Variants in TSPAN32 observed in about 807,000 individuals in gnomAD.
TSPAN32 encodes tetraspanin 32.
Under a neutral mutation model 42.7 loss-of-function variants are expected in TSPAN32, and 47 were observed. The ratio of observed to expected loss-of-function variants is 1.10; its 90% confidence interval spans 0.87 to 1.40. The LOEUF is 1.40. Ranked by LOEUF, TSPAN32 falls within the 40% of genes most tolerant of loss-of-function variation. The probability of loss-of-function intolerance (pLI) is 0.00; values close to 1 mark genes in which losing one functional copy is unlikely to be tolerated. For synonymous variants in TSPAN32, 175 were observed against 175.9 expected, an observed-to-expected ratio of 0.99 and a Z score of 0.04; for missense variants, 469 against 424.1, an observed-to-expected ratio of 1.11 and a Z score of -0.93.
At position 2,317,277 on chromosome 11, in the gene TSPAN32, C is replaced by G. The variant is rs972835797; in HGVS notation, c.720-67C>G. 39 of 1,319,206 alleles carry G rather than the reference C, an allele frequency of 3.0e-5. No homozygotes were observed. The highest frequency in any genetic ancestry group is 1.0e-4 in the South Asian group (8 of 76,638). 81.7% of individuals were successfully genotyped at this position (1,319,206 alleles called of 1,614,324 possible). On this transcript the variant is annotated intron_variant, in intron 8 of 9. Transcript: ENST00000182290. This position sits in a 1 kb window ranked among gnomAD's most constrained non-coding sequence, Gnocchi z 6.2. Reference sequence around the variant, plus strand: ...GCCCCATGATCCCCTCTAGAACATTCCACAATAGCCTCACAGGTCCCCTGT... The same window carrying G: ...GCCCCATGATCCCCTCTAGAACATTGCACAATAGCCTCACAGGTCCCCTGT...
At position 2,317,514 on chromosome 11, in the gene TSPAN32, C is replaced by A; in HGVS notation, c.890C>A (p.Ala297Asp). ...AAPLPLSCHL[A>D]AHRALQGRSR... is the part of the protein sequence containing the mutation. Reference sequence around the variant, plus strand: ...CCTCTGCCCCTCTCCTGCCACCTGGCTGCCCACAGAGGTGAAGACGCCCCT... The same window carrying A: ...CCTCTGCCCCTCTCCTGCCACCTGGATGCCCACAGAGGTGAAGACGCCCCT... Residue 297 changes from alanine to aspartate, a missense_variant, in exon 9 of 10, where the codon GCT becomes GAT. By Grantham distance (126) the Ala-to-Asp change is moderately radical. Coordinates refer to ENST00000182290, the MANE Select transcript of TSPAN32 (RefSeq NM_139022.3). This position sits in a 1 kb window ranked among gnomAD's most constrained non-coding sequence, Gnocchi z 6.2. The A allele has an allele frequency of 6.3e-7, 1 of 1,582,742 alleles. No homozygotes were observed. The highest frequency in any genetic ancestry group is 1.8e-5 in the Admixed American group (1 of 56,220).
chr11:2,302,768 C>A, intron 1 of TSPAN32, 76 bp from the exon 2 acceptor site: 1 of 1,260,598 alleles, frequency 7.9e-7, no homozygotes, highest in South Asian at 1.3e-5. Flanking sequence ...AGAGCCCCAA[C>A]CCTGCCCGCT....
chr11:2,303,969 GGA>G, intron 2 of TSPAN32, 136 bp from the exon 3 acceptor site: 1 of 631,936 alleles, frequency 1.6e-6, no homozygotes, highest in South Asian at 1.9e-5. Context: ...GCCGTCTGAT[GGA>G]GAGACAGGCC....
chr11:2,313,164 G>C lies in TSPAN32; in HGVS notation c.355-490G>C, dbSNP rs1848565236. Among the ~76,000 whole-genome samples the C allele has an allele frequency of 1.3e-5, 2 of 152,104 alleles. No homozygotes were observed. The highest frequency in any genetic ancestry group is 1.3e-4 in the Admixed American group (2 of 15,268). On this transcript the variant is annotated intron_variant, in intron 4 of 9. Coordinates refer to ENST00000182290, the MANE Select transcript of TSPAN32 (RefSeq NM_139022.3). The surrounding 1 kb of genome is among the most constrained non-coding windows in gnomAD (Gnocchi z 9.1). ...CTTCTCTGGTCAAAAGCCTTACCCG[G>C]AGCCCAGCTGCCCGGGCTTCCAGAA...
In TSPAN32 at chr11:2,313,530, G is replaced by A; in HGVS notation, c.355-124G>A. On this transcript the variant is annotated intron_variant, in intron 4 of 9. Coordinates refer to ENST00000182290, the MANE Select transcript of TSPAN32 (RefSeq NM_139022.3). The surrounding 1 kb of genome is among the most constrained non-coding windows in gnomAD (Gnocchi z 9.1). Reference sequence around the variant, plus strand: ...TTTGGGGAGATCCACCTGCTACAAGGAGGGCAGTGCTGGGACGTCACTCAG... The same window carrying A: ...TTTGGGGAGATCCACCTGCTACAAGAAGGGCAGTGCTGGGACGTCACTCAG... 2 of 698,566 alleles carry A rather than the reference G, an allele frequency of 2.9e-6. No individual in the cohort carries two copies. The highest frequency in any genetic ancestry group is 4.8e-6 in the Non-Finnish European group (2 of 420,166). 43.3% of individuals were successfully genotyped at this position (698,566 alleles called of 1,614,324 possible).
chr11:2,304,026 G>A lies in TSPAN32; in HGVS notation c.182-81G>A. ...GTCCCTCACGGCCCCTGACTCCCAA[G>A]TTAGATTTCACACCCAGGCTGTGTG... On this transcript the variant is annotated intron_variant, in intron 2 of 9. Coordinates refer to ENST00000182290, the MANE Select transcript of TSPAN32 (RefSeq NM_139022.3). The surrounding 1 kb of genome is among the most constrained non-coding windows in gnomAD (Gnocchi z 4.8). 9.7e-6 allele frequency: 11 copies of A among 1,134,710 alleles called. No individual in the cohort carries two copies. The highest frequency in any genetic ancestry group is 1.4e-5 in the Non-Finnish European group (11 of 772,552). The allele number at this position is 1,134,710 out of a possible 1,614,324, so 70.3% of individuals were successfully genotyped here.
At chr11:2,316,555 C>T (rs762734179) in intron 7 of TSPAN32, 21 bp from the exon 8 acceptor site, 2 of 1,601,136 alleles carry the variant, frequency 1.2e-6, no homozygotes, top group Non-Finnish European at 1.7e-6. Flanking sequence ...AGTGGGGCAG[C>T]CGCGGGTGTC....
At chr11:2,303,011 G>A in intron 2 of TSPAN32, 53 bp downstream of exon 2, 1 of 1,517,202 alleles carries the variant, frequency 6.6e-7, no homozygotes, top group South Asian at 1.2e-5. Context: ...GTGCAAGGGT[G>A]GCTGGCACGA....
chr11:2,317,872 G>T lies in TSPAN32; in HGVS notation c.911G>T (p.Gly304Val), dbSNP rs1034351419. Residue 304 changes from glycine (G) to valine (V), a missense_variant, in exon 10 of 10, where the codon GGC becomes GTC. Coordinates refer to ENST00000182290, the MANE Select transcript of TSPAN32 (RefSeq NM_139022.3). This position sits in a 1 kb window ranked among gnomAD's most constrained non-coding sequence, Gnocchi z 6.2. The stretch of plus-strand genomic sequence containing the variant: ...ATTTATGATCTCGCAGCTCTCCAGG[G>T]CAGAAGTCGCGGTGGGCTCAGTGGG... The part of the protein sequence containing the change: ...CHLAAHRALQ[G>V]RSRGGLSGCP... 2 of 1,545,406 alleles carry T rather than the reference G, an allele frequency of 1.3e-6. No individual in the cohort carries two copies. Among genetic ancestry groups the T allele is most frequent in the Non-Finnish European group, 1.8e-6 (2 of 1,117,692 alleles).
At chr11:2,312,954 T>C (rs1000574413) in intron 4 of TSPAN32, among the ~76,000 whole-genome samples, 1 of 152,160 alleles carries the variant, frequency 6.6e-6, no homozygotes, top group African/African-American at 2.4e-5. Flanking sequence ...TTCCAGTTTG[T>C]CTTTGAAGGA....
At position 2,313,812 on chromosome 11, in the gene TSPAN32, C is replaced by T. The variant is rs1037960968; in HGVS notation, c.456+57C>T. The T allele has an allele frequency of 3.6e-6, 5 of 1,385,470 alleles. No homozygotes were observed. The highest frequency in any genetic ancestry group is 1.4e-5 in the African/African-American group (1 of 70,186). 85.8% of individuals were successfully genotyped at this position (1,385,470 alleles called of 1,614,324 possible). On this transcript the variant is annotated intron_variant, in intron 5 of 9. Coordinates refer to ENST00000182290, the MANE Select transcript of TSPAN32 (RefSeq NM_139022.3). This position sits in a 1 kb window ranked among gnomAD's most constrained non-coding sequence, Gnocchi z 9.1. ...GTCAGCTTCTGCTTGGACTGCAGTT[C>T]AGAGAACAGGCGCAGGGTGGCCAGT...
chr11:2,316,080 G>C, intron 6 of TSPAN32, 149 bp from the exon 7 acceptor site: 1 of 1,532,334 alleles, frequency 6.5e-7, no homozygotes, highest in Non-Finnish European at 8.7e-7. Context: ...TAGAGCCCTG[G>C]GGGCTTCCTA....
chr11:2,317,331 C>T lies in TSPAN32; in HGVS notation c.720-13C>T, dbSNP rs752176236. On this transcript the variant is annotated splice_polypyrimidine_tract_variant and intron_variant, in intron 8 of 9. Transcript: ENST00000182290. This position sits in a 1 kb window ranked among gnomAD's most constrained non-coding sequence, Gnocchi z 6.2. ...ACATTCCACCACAGCCCCATGATCC[C>T]CTTGCTCCTCAGAGCATGTGGCCGC... The T allele has an allele frequency of 6.3e-7, 1 of 1,577,692 alleles. No homozygotes were observed. The highest frequency in any genetic ancestry group is 8.6e-7 in the Non-Finnish European group (1 of 1,161,136).
rs138129469 is a variant in TSPAN32, at chr11:2,313,724, G to A, written c.425G>A (p.Arg142Gln). 851 of 1,605,964 alleles carry A rather than the reference G, an allele frequency of 5.3e-4. No individual in the cohort carries two copies. Among genetic ancestry groups the A allele is most frequent in the Non-Finnish European group, 6.9e-4 (807 of 1,177,640 alleles). Residue 142 changes from arginine to glutamine, a missense_variant, in exon 5 of 10, where the codon CGG becomes CAG. By Grantham distance (43) the Arg-to-Gln change is conservative (BLOSUM62 1). Coordinates refer to ENST00000182290, the MANE Select transcript of TSPAN32 (RefSeq NM_139022.3). This position sits in a 1 kb window ranked among gnomAD's most constrained non-coding sequence, Gnocchi z 9.1. ...GCGATGAAAGGTACGTCCCACGTCC[G>A]GCGGCAGGAGCTGGCGGCCATCCAG... ...EQAMKGTSHV[R>Q]RQELAAIQDV... is the part of the protein sequence containing the mutation.
At chr11:2,310,198 C>T (rs923135078) in intron 4 of TSPAN32, among the ~76,000 whole-genome samples, 6 of 152,096 alleles carry the variant, frequency 3.9e-5, no homozygotes, top group African/African-American at 7.2e-5. Flanking sequence ...TCCCCGGGCT[C>T]GTCTGGGGCA....
chr11:2,315,160 T>TAC, intron 6 of TSPAN32: 20 of 646,450 alleles, frequency 3.1e-5, no homozygotes, highest in Non-Finnish European at 4.2e-5. Flanking sequence ...CCGGCAGCCC[T>TAC]CCCCCAGCCC....
rs1432019173 is a variant in TSPAN32, at chr11:2,304,669, G to T, written c.279+465G>T. 6.6e-6 allele frequency among the ~76,000 whole-genome samples: 1 copy of T among 151,986 alleles called. No individual in the cohort carries two copies. Among genetic ancestry groups the T allele is most frequent in the Non-Finnish European group, 1.5e-5 (1 of 67,974 alleles). ...AACGCCCCTTGAGCTCTCCAGCCTG[G>T]GCTCTCCGGAGCTGCACACTCTCCT... On this transcript the variant is annotated intron_variant, in intron 3 of 9. Coordinates refer to ENST00000182290, the MANE Select transcript of TSPAN32 (RefSeq NM_139022.3). The surrounding 1 kb of genome is among the most constrained non-coding windows in gnomAD (Gnocchi z 4.8).
At position 2,312,035 on chromosome 11, in the gene TSPAN32, A is replaced by G. The variant is rs554325838; in HGVS notation, c.355-1619A>G. 8.2e-4 allele frequency among the ~76,000 whole-genome samples: 124 copies of G among 151,902 alleles called. 1 individual carries two copies. The South Asian group carries it at 0.022, about 27-fold the overall frequency. ...CCAGGCAGGGCAGGAAGAGCCAGGC[A>G]GGGCAGGCAGGGCAGGCAGGGCAGG... On this transcript the variant is annotated intron_variant, in intron 4 of 9. Coordinates refer to ENST00000182290, the MANE Select transcript of TSPAN32 (RefSeq NM_139022.3).
chr11:2,303,582 G>C (rs1303488204), intron 2 of TSPAN32: 1 of 165,320 alleles, frequency 6.0e-6, no homozygotes, highest in Non-Finnish European at 1.3e-5. Flanking sequence ...CTGCAGCCCG[G>C]TGGGCAGATG....
Sources: gnomAD v4.1 joint callset for allele counts (sites outside exome capture counted in the v4.1 genomes callset) on GRCh38, gnomAD v4.1.1 for gene constraint, Gnocchi (gnomAD v3.1) non-coding constraint, MANE v1.5 for transcripts, NCBI Gene and HGNC (gene_info 2026-07-23, HGNC 2026-07-21) for gene names.